Variants in TCF12 observed in about 807,000 individuals in gnomAD.
TCF12 encodes transcription factor 12.
TCF12 carries 45 observed loss-of-function variants against 86.0 expected under a neutral mutation model. That is an observed-to-expected ratio of 0.52 (90% CI 0.41 to 0.67). The LOEUF (loss-of-function observed/expected upper bound fraction) is 0.67, where lower values mean the gene tolerates loss of function less well. Among genes scored for constraint, TCF12 ranks in the 30% least tolerant of loss-of-function variants. The pLI, the probability that TCF12 is intolerant of heterozygous loss-of-function variation, is 0.00. For synonymous variants in TCF12, 330 were observed against 299.6 expected (o/e 1.10, Z -1.05); for missense variants, 881 against 859.9 (o/e 1.02, Z -0.31).
intron 3 of TCF12, among the ~76,000 whole-genome samples, chr15:56,968,283 G>C (rs1297017333): frequency 2.0e-5 from 3 of 151,820 alleles, no homozygotes; most frequent in Non-Finnish European, 4.4e-5. Flanking sequence ...TTTTTGTTTT[G>C]TGGCTTGTGT....
At chr15:56,972,154 A>G (rs2062369485) in intron 3 of TCF12, among the ~76,000 whole-genome samples, 1 of 152,222 alleles carries the variant, frequency 6.6e-6, no homozygotes, top group African/African-American at 2.4e-5. Context: ...GTTTTTCTCC[A>G]TCACTAAAAT....
intron 5 of TCF12, among the ~76,000 whole-genome samples, chr15:57,094,497 C>A (rs1264653879): frequency 6.6e-6 from 1 of 152,176 alleles, no homozygotes; most frequent in African/African-American, 2.4e-5. Context: ...AGTAATTGAA[C>A]TGACACCCAA....
At chr15:57,268,695 T>G (rs542308331) in intron 18 of TCF12, among the ~76,000 whole-genome samples, 87 of 152,332 alleles carry the variant, frequency 5.7e-4, no homozygotes, top group Non-Finnish European at 9.8e-4. Flanking sequence ...TTCTATAAGC[T>G]GTTACAGAGC....
intron 8 of TCF12, among the ~76,000 whole-genome samples, chr15:57,199,800 A>G (rs2057444922): frequency 6.6e-6 from 1 of 152,174 alleles, no homozygotes; most frequent in East Asian, 1.9e-4. Context: ...GTTATTAAGG[A>G]TGTATAAATA....
At chr15:57,194,020 C>T (rs16977290) in intron 7 of TCF12, among the ~76,000 whole-genome samples, 1 of 152,072 alleles carries the variant, frequency 6.6e-6, no homozygotes. Context: ...GTCAGTGTTA[C>T]TCTAGAAAAA....
intron 3 of TCF12, among the ~76,000 whole-genome samples, chr15:56,977,575 GGA>G (rs1169678823): frequency 1.4e-4 from 20 of 147,738 alleles, no homozygotes; most frequent in African/African-American, 4.5e-4. Flanking sequence ...ATGTATGTGT[GGA>G]GAGAGAGAGA....
intron 8 of TCF12, among the ~76,000 whole-genome samples, chr15:57,224,797 G>A (rs552479325): frequency 2.0e-5 from 3 of 152,236 alleles, no homozygotes; most frequent in East Asian, 1.9e-4. Context: ...AGAATCTTCC[G>A]TGGAGATGGC....
chr15:57,219,539 T>C lies in TCF12; in HGVS notation c.580-11613T>C, dbSNP rs776450066. 3 of 1,613,484 alleles carry C rather than the reference T, an allele frequency of 1.9e-6. No homozygotes were observed. The South Asian group carries it at 3.3e-5, about 18-fold the overall frequency. On this transcript the variant is annotated intron_variant, in intron 8 of 20. Coordinates refer to ENST00000333725, the MANE Select transcript of TCF12 (RefSeq NM_207037.2). ...AAATCAACATGTATTGTGCTTATCC[T>C]GTCCCTGGAATGGGCAGCAATTCTT...
chr15:57,283,105 C>A (rs1399268914), intron 20 of TCF12, among the ~76,000 whole-genome samples: 1 of 152,206 alleles, frequency 6.6e-6, no homozygotes, highest in Non-Finnish European at 1.5e-5. Context: ...CTTGCAAGCA[C>A]ATCAGTTAAC....
intron 3 of TCF12, among the ~76,000 whole-genome samples, chr15:56,924,435 A>C (rs1226223511): frequency 1.3e-5 from 2 of 152,228 alleles, no homozygotes; most frequent in African/African-American, 4.8e-5. Context: ...GAACATATCA[A>C]GAACAAAATC....
chr15:57,177,624 G>GAGAGAGAGAGAA (rs1270973667), intron 6 of TCF12, among the ~76,000 whole-genome samples: 2 of 151,806 alleles, frequency 1.3e-5, no homozygotes, highest in South Asian at 4.2e-4. Context: ...GAGAGAGAGA[G>GAGAGAGAGAGAA]AGAGAGAGAG....
chr15:56,984,164 T>C (rs1227265876), intron 3 of TCF12, among the ~76,000 whole-genome samples: 1 of 152,106 alleles, frequency 6.6e-6, no homozygotes, highest in Non-Finnish European at 1.5e-5. Flanking sequence ...TGGTTGAAAT[T>C]ATGTGTATAA....
chr15:57,266,375 G>T (rs887107590), intron 18 of TCF12, among the ~76,000 whole-genome samples: 2 of 152,070 alleles, frequency 1.3e-5, no homozygotes, highest in Non-Finnish European at 2.9e-5. Flanking sequence ...ACTGCGCCTG[G>T]CTGCTGCCTA....
intron 3 of TCF12, among the ~76,000 whole-genome samples, chr15:56,987,315 A>T (rs549123344): frequency 6.6e-6 from 1 of 152,044 alleles, no homozygotes; most frequent in Non-Finnish European, 1.5e-5. Context: ...GGGTTTCATC[A>T]TGTTGGCCAG....
At chr15:57,170,700 TA>T (rs2055334557) in intron 6 of TCF12, among the ~76,000 whole-genome samples, 2 of 6,336 alleles carry the variant, frequency 3.2e-4, no homozygotes, top group South Asian at 5.3e-3. Context: ...ATATATATTA[TA>T]TATAATATAT....
intron 19 of TCF12, among the ~76,000 whole-genome samples, chr15:57,281,031 G>A (rs2061659993): frequency 6.6e-6 from 1 of 151,708 alleles, no homozygotes; most frequent in South Asian, 2.1e-4. Flanking sequence ...TAGTGTGTAA[G>A]TAGATTTTGA....
chr15:57,008,101 C>T (rs1337841927), intron 3 of TCF12, among the ~76,000 whole-genome samples: 1 of 151,334 alleles, frequency 6.6e-6, no homozygotes, highest in South Asian at 2.1e-4. Context: ...GCTGGGACTA[C>T]AGGCACATGC....
At chr15:57,245,506 T>C (rs1277489862) in intron 13 of TCF12, among the ~76,000 whole-genome samples, 1 of 152,226 alleles carries the variant, frequency 6.6e-6, no homozygotes, top group Non-Finnish European at 1.5e-5. Context: ...GGTTTCCATA[T>C]CAGCATTCCC....
intron 4 of TCF12, among the ~76,000 whole-genome samples, chr15:57,090,733 G>T (rs1285402925): frequency 6.6e-6 from 1 of 152,164 alleles, no homozygotes; most frequent in African/African-American, 2.4e-5. Flanking sequence ...TCAGGTTTCT[G>T]TGAGCCAGGG....
Sources: allele counts gnomAD v4.1 joint callset (sites outside exome capture counted in the v4.1 genomes callset), GRCh38; gene constraint gnomAD v4.1.1; transcripts MANE v1.5; gene names NCBI Gene and HGNC (gene_info 2026-07-23, HGNC 2026-07-21).